Variants in DOCK3 observed in about 807,000 individuals in gnomAD.
The protein encoded by DOCK3 is dedicator of cytokinesis protein 3.
A neutral mutation model predicts 265.6 loss-of-function variants in DOCK3; 60 were observed. That is an observed-to-expected ratio of 0.23 (90% CI 0.18 to 0.28). The LOEUF is 0.28. DOCK3 is among the 10% of genes least tolerant of loss of function. The pLI is 1.00. For missense variants in DOCK3, 1,981 were observed against 2,594.3 expected (o/e 0.76, Z 5.14); for synonymous variants, 881 against 938.0 (o/e 0.94, Z 1.11).
intron 6 of DOCK3, among the ~76,000 whole-genome samples, chr3:51,072,132 C>T (rs554592943): frequency 4.5e-4 from 69 of 152,310 alleles, no homozygotes; most frequent in Admixed American, 4.4e-3. Flanking sequence ...ACTTGCATGA[C>T]TCAAAGCTAC....
chr3:50,963,027 A>G (rs775622049), intron 5 of DOCK3, among the ~76,000 whole-genome samples: 1 of 152,144 alleles, frequency 6.6e-6, no homozygotes, highest in African/African-American at 2.4e-5. Flanking sequence ...TCTCTACTAA[A>G]TATAAAAATT....
intron 10 of DOCK3, among the ~76,000 whole-genome samples, chr3:51,157,226 C>A (rs1048643941): frequency 6.6e-6 from 1 of 151,978 alleles, no homozygotes; most frequent in Non-Finnish European, 1.5e-5. Flanking sequence ...AATATTATAA[C>A]CATCTAAAAG....
intron 1 of DOCK3, among the ~76,000 whole-genome samples, chr3:50,748,687 T>C (rs1319009781): frequency 6.6e-6 from 1 of 152,224 alleles, no homozygotes; most frequent in African/African-American, 2.4e-5. Flanking sequence ...CTCCAAACTC[T>C]CTACCCTCTT....
chr3:51,183,320 G>A (rs1369629566), intron 12 of DOCK3, among the ~76,000 whole-genome samples: 1 of 152,056 alleles, frequency 6.6e-6, no homozygotes, highest in Non-Finnish European at 1.5e-5. Flanking sequence ...CCCATTCTTT[G>A]GTTTCTGGGT....
chr3:50,919,178 T>C (rs934068416), intron 4 of DOCK3, among the ~76,000 whole-genome samples: 4 of 152,224 alleles, frequency 2.6e-5, no homozygotes, highest in African/African-American at 9.6e-5. Context: ...TAGTATAGTT[T>C]GAAGTCAGGT....
chr3:50,927,044 TC>T (rs1575549615), intron 4 of DOCK3, among the ~76,000 whole-genome samples: 1 of 152,344 alleles, frequency 6.6e-6, no homozygotes, highest in East Asian at 1.9e-4. Flanking sequence ...TGATGTGACT[TC>T]CTGTCACCCT....
At chr3:50,808,093 A>C (rs943461288) in intron 2 of DOCK3, among the ~76,000 whole-genome samples, 11 of 152,378 alleles carry the variant, frequency 7.2e-5, no homozygotes, top group African/African-American at 2.2e-4. Context: ...GAAGAATTAG[A>C]AAATGAATAA....
At chr3:51,020,353 A>T (rs950950138) in intron 5 of DOCK3, among the ~76,000 whole-genome samples, 5 of 151,644 alleles carry the variant, frequency 3.3e-5, no homozygotes, top group Admixed American at 2.0e-4. Context: ...TGAGTTCCTT[A>T]TAGATGGTGG....
rs1049249566 is a variant in DOCK3, at chr3:50,675,312, T to C, written c.37+12T>C. ...GAAATACGGCGTAGGTAGGTGAGGC[T>C]CAGGCCTGGCCGTGGCGGGGGTTCT... On this transcript the variant is annotated intron_variant, in intron 1 of 52. Coordinates refer to ENST00000266037, the MANE Select transcript of DOCK3 (RefSeq NM_004947.5). The surrounding 1 kb of genome is among the most constrained non-coding windows in gnomAD (Gnocchi z 6.1). 1.6e-6 allele frequency: 2 copies of C among 1,264,506 alleles called. No homozygotes were observed. The highest frequency in any genetic ancestry group is 2.0e-6 in the Non-Finnish European group (2 of 990,940). 78.3% of individuals were successfully genotyped at this position (1,264,506 alleles called of 1,614,324 possible).
chr3:51,197,402 C>T (rs565875171), intron 12 of DOCK3, among the ~76,000 whole-genome samples: 293 of 152,196 alleles, frequency 1.9e-3, no homozygotes, highest in African/African-American at 6.8e-3. Context: ...ATAGCAGTAG[C>T]GGTAGTGGGA....
intron 12 of DOCK3, among the ~76,000 whole-genome samples, chr3:51,161,948 C>G (rs562846269): frequency 1.9e-4 from 29 of 152,224 alleles, no homozygotes; most frequent in African/African-American, 6.0e-4. Context: ...CTCCTTCTAA[C>G]TTGTTAAACA....
chr3:50,709,996 T>G (rs907185952), intron 1 of DOCK3, among the ~76,000 whole-genome samples: 1 of 152,114 alleles, frequency 6.6e-6, no homozygotes, highest in Non-Finnish European at 1.5e-5. Context: ...CCCAGGAGTT[T>G]GTGGCCAGCG....
At chr3:51,277,099 C>G (rs980855452) in intron 25 of DOCK3, among the ~76,000 whole-genome samples, 1 of 152,046 alleles carries the variant, frequency 6.6e-6, no homozygotes, top group Non-Finnish European at 1.5e-5. Context: ...ATTGAGGGCA[C>G]CCAAGGGGAA....
chr3:50,722,769 G>GTT (rs58505050), intron 1 of DOCK3, among the ~76,000 whole-genome samples: 92,224 of 134,926 alleles, frequency 0.68, 32,439 homozygotes, highest in Admixed American at 0.75. Context: ...TCTTTTTCTT[G>GTT]TTTTTTTTTT....
At chr3:50,989,385 G>C (rs945078886) in intron 5 of DOCK3, among the ~76,000 whole-genome samples, 2 of 152,064 alleles carry the variant, frequency 1.3e-5, no homozygotes, top group African/African-American at 2.4e-5. Context: ...CTAGCAGTCA[G>C]GGGGGAGAGG....
At chr3:51,067,761 T>C (rs2081658031) in intron 6 of DOCK3, among the ~76,000 whole-genome samples, 1 of 152,146 alleles carries the variant, frequency 6.6e-6, no homozygotes, top group East Asian at 1.9e-4. Flanking sequence ...CCAAAACTGA[T>C]AGGACTGTTC....
chr3:50,952,184 A>G (rs2076608546), intron 5 of DOCK3, among the ~76,000 whole-genome samples: 1 of 152,172 alleles, frequency 6.6e-6, no homozygotes, highest in African/African-American at 2.4e-5. Flanking sequence ...TCTAAATCTG[A>G]ATTATGACAG....
chr3:51,223,560 TAAA>T (rs950787763), intron 14 of DOCK3, among the ~76,000 whole-genome samples: 2 of 151,810 alleles, frequency 1.3e-5, no homozygotes, highest in African/African-American at 4.8e-5. Context: ...GAATAAATAA[TAAA>T]AAAAATCTAG....
intron 3 of DOCK3, among the ~76,000 whole-genome samples, chr3:50,874,483 A>T (rs2047599498): frequency 2.6e-5 from 4 of 151,798 alleles, no homozygotes; most frequent in Middle Eastern, 6.8e-3. Context: ...CAGCCTGGTG[A>T]TGAAATGGGA....
Sources: allele counts gnomAD v4.1 joint callset (sites outside exome capture counted in the v4.1 genomes callset), GRCh38; gene constraint gnomAD v4.1.1; non-coding constraint Gnocchi (gnomAD v3.1); transcripts MANE v1.5; gene names NCBI Gene and HGNC (gene_info 2026-07-23, HGNC 2026-07-21).